IGSF10: variants seen among roughly 807,000 people sequenced by gnomAD.
IGSF10 encodes immunoglobulin superfamily member 10.
A neutral mutation model predicts 128.2 loss-of-function variants in IGSF10; 126 were observed. The ratio of observed to expected loss-of-function variants is 0.98; its 90% confidence interval spans 0.85 to 1.14. The LOEUF (loss-of-function observed/expected upper bound fraction) is 1.14. Among genes scored for constraint, IGSF10 ranks in the 50% most tolerant of loss-of-function variants. The pLI, the probability that IGSF10 is intolerant of heterozygous loss-of-function variation, is 0.00. For synonymous variants in IGSF10, 1,185 were observed against 1,146.2 expected (o/e 1.03, Z -0.68); for missense variants, 3,295 against 3,149.8 (o/e 1.05, Z -1.10).
chr3:151,491,494 C>T, the IGSF10 span, among the ~76,000 whole-genome samples: 81 of 152,238 alleles, frequency 5.3e-4, no homozygotes, highest in African/African-American at 1.9e-3. Flanking sequence ...AAGAGAATCT[C>T]TTGAACCCAA....
Position 151,437,418 on chromosome 3 carries a change from A to G in IGSF10, c.7143T>C (p.Asn2381=), listed in dbSNP as rs776061132. 15 of 1,614,108 alleles carry G rather than the reference A, an allele frequency of 9.3e-6. No homozygotes were observed. The East Asian group carries it at 2.7e-4, about 29-fold the overall frequency. The change falls in exon 8 of 8, where the codon AAT becomes AAC. Residue 2381 remains asparagine (N), a synonymous_variant. Transcript: ENST00000282466. ...TCAGATACTGATAACTTTGTGGTCCATTGGAAAATCGTGTGCCATTTGGTA... is the reference window on the plus strand; with the variant it reads ...TCAGATACTGATAACTTTGTGGTCCGTTGGAAAATCGTGTGCCATTTGGTA... ...WILPNGTRFS[N]GPQSYQYLIA...
the IGSF10 span, among the ~76,000 whole-genome samples, chr3:151,503,861 C>T: frequency 1.8e-3 from 278 of 151,578 alleles, no homozygotes; most frequent in African/African-American, 6.4e-3. Flanking sequence ...TGCAGGGGGT[C>T]GAGTTCTTCT....
chr3:151,502,548 A>G, the IGSF10 span, among the ~76,000 whole-genome samples: 41 of 152,110 alleles, frequency 2.7e-4, no homozygotes, highest in African/African-American at 9.9e-4. Flanking sequence ...CACTTTAGCA[A>G]GGAAAAATTC....
the IGSF10 span, among the ~76,000 whole-genome samples, chr3:151,614,638 A>C: frequency 6.6e-6 from 1 of 150,770 alleles, no homozygotes; most frequent in Non-Finnish European, 1.5e-5. Context: ...ACATGGACAC[A>C]GGAAGGGGAA....
the IGSF10 span, among the ~76,000 whole-genome samples, chr3:151,496,754 A>C: frequency 3.9e-5 from 6 of 151,918 alleles, no homozygotes; most frequent in Non-Finnish European, 8.8e-5. Flanking sequence ...GAATTTCCAC[A>C]CTGACTTCCA....
intron 5 of IGSF10, among the ~76,000 whole-genome samples, chr3:151,451,753 G>A (rs534785328): frequency 6.6e-6 from 1 of 152,184 alleles, no homozygotes; most frequent in South Asian, 2.1e-4. Context: ...CCTTTAAAAT[G>A]TTTCAATTAA....
intron 1 of IGSF10, 63 bp from the exon 2 acceptor site, chr3:151,460,410 GC>G: frequency 2.2e-6 from 1 of 457,596 alleles, no homozygotes; most frequent in Non-Finnish European, 2.9e-6. Flanking sequence ...TTGGCTTACA[GC>G]CAGGAGTAAT....
chr3:151,440,164 G>T (rs151294883), intron 7 of IGSF10, among the ~76,000 whole-genome samples: 4,372 of 152,080 alleles, frequency 0.029, 85 homozygotes, highest in Middle Eastern at 0.092. Context: ...TGAGTAGCTG[G>T]GACTACAGAC....
chr3:151,472,179 C>A, the IGSF10 span, among the ~76,000 whole-genome samples: 1 of 152,142 alleles, frequency 6.6e-6, no homozygotes, highest in African/African-American at 2.4e-5. Flanking sequence ...GAAAAACAAT[C>A]AAAGTTTCAG....
At chr3:151,609,696 A>C in the IGSF10 span, among the ~76,000 whole-genome samples, 31 of 152,318 alleles carry the variant, frequency 2.0e-4, no homozygotes, top group East Asian at 5.8e-3. Flanking sequence ...CAGCAACATG[A>C]ATGCAGCTGG....
chr3:151,510,774 C>A, the IGSF10 span, among the ~76,000 whole-genome samples: 1 of 152,062 alleles, frequency 6.6e-6, no homozygotes, highest in African/African-American at 2.4e-5. Flanking sequence ...CTTAAAGGAC[C>A]TGATGGAGCT....
chr3:151,482,676 T>G, the IGSF10 span, among the ~76,000 whole-genome samples: 13 of 152,222 alleles, frequency 8.5e-5, no homozygotes, highest in African/African-American at 2.7e-4. Context: ...GATGTGGACA[T>G]GCAGACCCAT....
Position 151,443,776 on chromosome 3 carries a change from G to C in IGSF10, c.5171C>G (p.Ser1724Cys), listed in dbSNP as rs780677140. The change falls in exon 7 of 8, where the codon TCC (serine) becomes TGC (cysteine). Residue 1724 changes from serine to cysteine, a missense_variant. By Grantham distance (112) the Ser-to-Cys change is moderately radical (BLOSUM62 -1). Coordinates refer to ENST00000282466, the MANE Select transcript of IGSF10 (RefSeq NM_178822.5). ...EIQDRGQYLC[S>C]ASNLFGTDHL... ...GTCTGTGCCAAACAGATTGGATGCG[G>C]AACACAAGTACTGTCCGCGGTCCTG... 1 of 1,614,108 alleles carries C rather than the reference G, an allele frequency of 6.2e-7. No homozygotes were observed. The highest frequency in any genetic ancestry group is 8.5e-7 in the Non-Finnish European group (1 of 1,180,020).
intron 4 of IGSF10, among the ~76,000 whole-genome samples, chr3:151,454,649 A>G (rs1402082231): frequency 6.6e-6 from 1 of 152,026 alleles, no homozygotes; most frequent in Non-Finnish European, 1.5e-5. Flanking sequence ...AATTTTTCAT[A>G]AGAGAGACTA....
chr3:151,523,471 C>T, the IGSF10 span, among the ~76,000 whole-genome samples: 1 of 152,038 alleles, frequency 6.6e-6, no homozygotes. Context: ...AAAACAGGCA[C>T]ATAGACCAAT....
chr3:151,509,764 G>C, the IGSF10 span, among the ~76,000 whole-genome samples: 6 of 152,202 alleles, frequency 3.9e-5, no homozygotes, highest in Non-Finnish European at 8.8e-5. Flanking sequence ...GGAAAATTGG[G>C]TCACTCCCAC....
chr3:151,566,574 C>G, the IGSF10 span, among the ~76,000 whole-genome samples: 3 of 152,104 alleles, frequency 2.0e-5, no homozygotes, highest in Non-Finnish European at 2.9e-5. Context: ...ACAAAGAGAG[C>G]TCAGAGGAAA....
the IGSF10 span, among the ~76,000 whole-genome samples, chr3:151,475,459 C>G: frequency 6.6e-6 from 1 of 152,166 alleles, no homozygotes; most frequent in African/African-American, 2.4e-5. Flanking sequence ...CATAACCTAA[C>G]TTAATAGGTA....
chr3:151,447,088 T>C lies in IGSF10; in HGVS notation c.2893A>G (p.Arg965Gly), dbSNP rs1242271589. 1 of 1,614,230 alleles carries C rather than the reference T, an allele frequency of 6.2e-7. No individual in the cohort carries two copies. The highest frequency in any genetic ancestry group is 1.3e-5 in the African/African-American group (1 of 75,076). Residue 965 changes from arginine to glycine, a missense_variant, in exon 6 of 8, where the codon AGG (arginine) becomes GGG (glycine). Coordinates refer to ENST00000282466, the MANE Select transcript of IGSF10 (RefSeq NM_178822.5). ...GTGTGAGAATAGAAGTGATTGTGCCTGGGTTCACTCACTTCTCTTACAGAT... is the reference window on the plus strand; with the variant it reads ...GTGTGAGAATAGAAGTGATTGTGCCCGGGTTCACTCACTTCTCTTACAGAT... Reference protein sequence around the residue: ...QTSVREVSEPRHNHFYSHTTQ... With the variant: ...QTSVREVSEPGHNHFYSHTTQ...
Sources: allele counts gnomAD v4.1 joint callset (sites outside exome capture counted in the v4.1 genomes callset), GRCh38; gene constraint gnomAD v4.1.1; transcripts MANE v1.5; gene names NCBI Gene and HGNC (gene_info 2026-07-23, HGNC 2026-07-21).